The following MCF2L variants were observed in gnomAD, a reference collection of about 807,000 sequenced individuals.
MCF2L encodes guanine nucleotide exchange factor DBS.
A neutral mutation model predicts 153.4 loss-of-function variants in MCF2L; 97 were observed. The observed-to-expected ratio is 0.63, with a 90% CI of 0.54 to 0.75. MCF2L has a LOEUF of 0.75. Ranked by LOEUF, MCF2L falls within the 30% of genes least tolerant of loss-of-function variation. The pLI, the probability that MCF2L is intolerant of heterozygous loss-of-function variation, is 0.00. For missense variants in MCF2L, 1,347 were observed against 1,495.2 expected (o/e 0.90, Z 1.64); for synonymous variants, 659 against 632.2 (o/e 1.04, Z -0.64).
chr13:112,970,621 G>A (rs1021567914), intron 1 of MCF2L, among the ~76,000 whole-genome samples: 15 of 152,034 alleles, frequency 9.9e-5, no homozygotes, highest in South Asian at 2.1e-4. Context: ...GGAGGCTTCC[G>A]ATCGGCTGTG....
intron 1 of MCF2L, among the ~76,000 whole-genome samples, chr13:112,982,640 G>A (rs557875085): frequency 5.3e-5 from 8 of 152,306 alleles, no homozygotes; most frequent in South Asian, 2.1e-4. Context: ...CTGCTCTCGC[G>A]TGCTGTGGGA....
rs2141533452 is a variant in MCF2L at position 113,045,468 on chromosome 13, G to A, written c.369+107G>A. The A allele has an allele frequency of 2.9e-6, 3 of 1,021,838 alleles. No individual in the cohort carries two copies. The highest frequency in any genetic ancestry group is 4.5e-6 in the Non-Finnish European group (3 of 667,900). 63.3% of individuals were successfully genotyped at this position (1,021,838 alleles called of 1,614,324 possible). ...CCGCAGTTCCTGCTTTGTGCTGAGTGGGACAGAGCCCAGTCCCGGCGGGTG... is the reference window on the plus strand; with the variant it reads ...CCGCAGTTCCTGCTTTGTGCTGAGTAGGACAGAGCCCAGTCCCGGCGGGTG... On this transcript the variant is annotated intron_variant, in intron 4 of 29. Coordinates refer to ENST00000535094, the MANE Select transcript of MCF2L (RefSeq NM_001112732.3). This position sits in a 1 kb window ranked among gnomAD's most constrained non-coding sequence, Gnocchi z 4.2.
chr13:112,944,036 C>T (rs540636561), intron 2 of MCF2L, among the ~76,000 whole-genome samples: 5 of 129,078 alleles, frequency 3.9e-5, no homozygotes, highest in East Asian at 2.2e-4. Context: ...GGATCCTAGG[C>T]CGTGAGGGGA....
intron 14 of MCF2L, 64 bp from the exon 15 acceptor site, chr13:113,078,602 C>A: frequency 6.7e-7 from 1 of 1,492,974 alleles, no homozygotes; most frequent in Non-Finnish European, 9.2e-7. Flanking sequence ...TGGGCTCTGG[C>A]CTTGAGAGTT....
intron 3 of MCF2L, chr13:113,034,049 C>T (rs1376906361): frequency 1.2e-5 from 2 of 166,912 alleles, no homozygotes; most frequent in African/African-American, 2.4e-5. Flanking sequence ...TTGAATTCAA[C>T]AGCTACTGAC....
intron 1 of MCF2L, among the ~76,000 whole-genome samples, chr13:113,014,009 G>GGCTGGTGCTGGCCCCATGCTCCTA (rs892346159): frequency 2.0e-5 from 3 of 149,514 alleles, no homozygotes; most frequent in African/African-American, 7.5e-5. Flanking sequence ...CCGTGCTCCT[G>GGCTGGTGCTGGCCCCATGCTCCTA]GCTGGTGCTG....
intron 2 of MCF2L, among the ~76,000 whole-genome samples, chr13:112,903,721 G>A (rs1398054735): frequency 6.6e-6 from 1 of 152,210 alleles, no homozygotes; most frequent in Non-Finnish European, 1.5e-5. Flanking sequence ...TGTCACGAAT[G>A]AGAGGTGAGG....
Position 113,024,882 on chromosome 13 carries a change from G to A in MCF2L, c.278+124G>A, listed in dbSNP as rs558822205. 9.9e-5 allele frequency: 74 copies of A among 749,382 alleles called. No homozygotes were observed. The East Asian group carries it at 2.0e-3, about 20-fold the overall frequency. 46.4% of individuals were successfully genotyped at this position (749,382 alleles called of 1,614,324 possible). On this transcript the variant is annotated intron_variant, in intron 3 of 29. Coordinates refer to ENST00000535094, the MANE Select transcript of MCF2L (RefSeq NM_001112732.3). ...GTCCCTGTGAGATTTCCCTGTCATG[G>A]GGTCCCCGTGACTGTGGGTCGGGGC...
chr13:113,064,287 T>C lies in MCF2L; in HGVS notation c.490-17T>C. ...CAATAATCCCAAACACTACCACGCA[T>C]TCCCTTTCTCCTCCAGGTCATAATG... On this transcript the variant is annotated splice_polypyrimidine_tract_variant and intron_variant, in intron 5 of 29. Coordinates refer to ENST00000535094, the MANE Select transcript of MCF2L (RefSeq NM_001112732.3). The surrounding 1 kb of genome is among the most constrained non-coding windows in gnomAD (Gnocchi z 6.0). 1 of 1,574,420 alleles carries C rather than the reference T, an allele frequency of 6.4e-7. No homozygotes were observed.
chr13:112,894,622 C>G (rs999349505), intron 1 of MCF2L, among the ~76,000 whole-genome samples: 2 of 152,074 alleles, frequency 1.3e-5, no homozygotes, highest in African/African-American at 4.8e-5. Flanking sequence ...CCCCGCGGCC[C>G]CTGCCCAGCG....
chr13:113,088,778 C>T lies in MCF2L; in HGVS notation c.2834+150C>T, dbSNP rs770880803. On this transcript the variant is annotated intron_variant, in intron 25 of 29. Coordinates refer to ENST00000535094, the MANE Select transcript of MCF2L (RefSeq NM_001112732.3). ...CCTGGTGTTTATGTGCTGACGGGTCCGTCCCAGAGGGTGTACTTCACAGAT... is the reference window on the plus strand; with the variant it reads ...CCTGGTGTTTATGTGCTGACGGGTCTGTCCCAGAGGGTGTACTTCACAGAT... 321 of 770,284 alleles carry T rather than the reference C, an allele frequency of 4.2e-4. 1 individual carries two copies. Among genetic ancestry groups the T allele is most frequent in the Non-Finnish European group, 6.3e-4 (294 of 467,266 alleles). The allele number at this position is 770,284 out of a possible 1,614,324, so 47.7% of individuals were successfully genotyped here.
chr13:113,095,453 G>A, intron 27 of MCF2L: 1 of 1,081,528 alleles, frequency 9.2e-7, no homozygotes, highest in Non-Finnish European at 1.1e-6. Context: ...AAACAGGCTG[G>A]TGGAACAGGG....
intron 2 of MCF2L, among the ~76,000 whole-genome samples, chr13:112,914,559 T>C (rs1353306875): frequency 6.6e-6 from 1 of 152,220 alleles, no homozygotes; most frequent in African/African-American, 2.4e-5. Context: ...ACTCACACAC[T>C]CGCTCTGTGA....
rs192971265 is a variant in MCF2L, at chr13:112,971,793, C to T, written c.79+2335C>T. On this transcript the variant is annotated intron_variant, in intron 1 of 29. Coordinates refer to ENST00000535094, the MANE Select transcript of MCF2L (RefSeq NM_001112732.3). ...GGCACTTTCCAGTGGCAACTTCCCCCTGGCCCCCCTTCTATGTGATAGGGC... is the reference window on the plus strand; with the variant it reads ...GGCACTTTCCAGTGGCAACTTCCCCTTGGCCCCCCTTCTATGTGATAGGGC... Among the ~76,000 whole-genome samples the T allele has an allele frequency of 7.9e-5, 12 of 152,338 alleles. No individual in the cohort carries two copies. The East Asian group carries it at 2.3e-3, about 29-fold the overall frequency.
intron 4 of MCF2L, among the ~76,000 whole-genome samples, chr13:113,051,115 TC>T (rs2087284199): frequency 6.6e-6 from 1 of 152,072 alleles, no homozygotes; most frequent in African/African-American, 2.4e-5. Context: ...GTGAGCACAG[TC>T]CCCCCGTGGT....
At chr13:113,041,392 G>A (rs74115761) in intron 3 of MCF2L, among the ~76,000 whole-genome samples, 1 of 151,736 alleles carries the variant, frequency 6.6e-6, no homozygotes, top group Non-Finnish European at 1.5e-5. Context: ...GCCATGGGCC[G>A]TGGGGGGGCG....
At chr13:112,894,681 G>A (rs2081048684) in intron 1 of MCF2L, among the ~76,000 whole-genome samples, 2 of 152,152 alleles carry the variant, frequency 1.3e-5, no homozygotes, top group Admixed American at 6.5e-5. Flanking sequence ...AATGGCAGTG[G>A]AGGAGACCCC....
At chr13:113,065,221 G>A in intron 7 of MCF2L, 136 bp downstream of exon 7, 1 of 1,058,346 alleles carries the variant, frequency 9.4e-7, no homozygotes, top group Non-Finnish European at 1.4e-6. Context: ...AGACCAAGAA[G>A]TCAGCAGGCT....
intron 24 of MCF2L, 78 bp from the exon 25 acceptor site, chr13:113,088,484 A>G: frequency 8.7e-6 from 14 of 1,605,352 alleles, no homozygotes; most frequent in African/African-American, 1.3e-5. Flanking sequence ...GCAACCGCAC[A>G]GTCCCCCCAT....
Sources: allele counts gnomAD v4.1 joint callset (sites outside exome capture counted in the v4.1 genomes callset), GRCh38; gene constraint gnomAD v4.1.1; non-coding constraint Gnocchi (gnomAD v3.1); transcripts MANE v1.5; gene names NCBI Gene and HGNC (gene_info 2026-07-23, HGNC 2026-07-21).